Variants in AGBL3 observed in about 807,000 individuals in gnomAD.
AGBL3 encodes the protein AGBL carboxypeptidase 3.
Under a neutral mutation model 94.5 loss-of-function variants are expected in AGBL3, and 68 were observed. The ratio of observed to expected loss-of-function variants is 0.72; its 90% CI spans 0.59 to 0.88. The LOEUF is 0.88. Ranked by LOEUF, AGBL3 falls within the 40% of genes least tolerant of loss-of-function variation. AGBL3 has a pLI of 0.00. For missense variants in AGBL3, 934 were observed against 1,103.8 expected (o/e 0.85, Z 2.18); for synonymous variants, 354 against 370.7 (o/e 0.95, Z 0.52).
intron 4 of AGBL3, among the ~76,000 whole-genome samples, chr7:135,001,377 A>G (rs1444318904): frequency 6.6e-6 from 1 of 152,158 alleles, no homozygotes; most frequent in Admixed American, 6.5e-5. Context: ...GGATCAGACT[A>G]AAGGACCCTG....
intron 16 of AGBL3, among the ~76,000 whole-genome samples, chr7:135,133,011 AT>A (rs1828993668): frequency 6.6e-6 from 1 of 152,116 alleles, no homozygotes; most frequent in Non-Finnish European, 1.5e-5. Context: ...GAAAGATGTT[AT>A]TCTCTATGTA....
At chr7:135,120,622 C>A (rs182928636) in intron 16 of AGBL3, among the ~76,000 whole-genome samples, 77 of 152,152 alleles carry the variant, frequency 5.1e-4, no homozygotes, top group African/African-American at 1.8e-3. Flanking sequence ...ATGTAAATGA[C>A]CTAAATACAA....
At chr7:135,113,399 A>C (rs1479323550) in intron 15 of AGBL3, among the ~76,000 whole-genome samples, 2 of 152,170 alleles carry the variant, frequency 1.3e-5, no homozygotes, top group Non-Finnish European at 2.9e-5. Flanking sequence ...TTTTCCTAGA[A>C]TATTTTAAAA....
chr7:134,987,882 T>C lies in AGBL3; in HGVS notation c.-52T>C, dbSNP rs546526486. On this transcript the variant is annotated 5_prime_UTR_variant, in exon 2 of 17. Transcript: ENST00000436302. ...GTCATATAATTTCCTTAGAAATTGT[T>C]TTACAGCCTACCCGTATATTACAAG... The C allele has an allele frequency of 7.3e-7, 1 of 1,368,348 alleles. No homozygotes were observed. Among genetic ancestry groups the C allele is most frequent in the Non-Finnish European group, 1.0e-6 (1 of 993,922 alleles). 84.8% of individuals were successfully genotyped at this position (1,368,348 alleles called of 1,614,324 possible). A position where few individuals can be genotyped will look rare whatever the true frequency, so the allele number is the denominator to read the frequency against.
intron 16 of AGBL3, among the ~76,000 whole-genome samples, chr7:135,134,305 G>A (rs942976651): frequency 6.6e-6 from 1 of 152,042 alleles, no homozygotes; most frequent in African/African-American, 2.4e-5. Context: ...AAGTATAGCT[G>A]AAATTCTATG....
intron 12 of AGBL3, among the ~76,000 whole-genome samples, chr7:135,066,141 T>G (rs184988807): frequency 1.3e-5 from 2 of 152,082 alleles, no homozygotes; most frequent in Non-Finnish European, 2.9e-5. Context: ...TATAACAAAC[T>G]AAAAAGCTTC....
intron 3 of AGBL3, among the ~76,000 whole-genome samples, chr7:134,991,440 T>C (rs1810261199): frequency 6.6e-6 from 1 of 152,152 alleles, no homozygotes; most frequent in Non-Finnish European, 1.5e-5. Context: ...TTTTTGTTTG[T>C]TTTCTTGTAT....
At chr7:135,134,360 C>T (rs1401425277) in intron 16 of AGBL3, among the ~76,000 whole-genome samples, 1 of 151,874 alleles carries the variant, frequency 6.6e-6, no homozygotes, top group Non-Finnish European at 1.5e-5. Context: ...TAAGTGGCTG[C>T]AATTATTAGT....
At chr7:135,131,046 T>G (rs1355871782) in intron 16 of AGBL3, among the ~76,000 whole-genome samples, 1 of 152,034 alleles carries the variant, frequency 6.6e-6, no homozygotes, top group African/African-American at 2.4e-5. Context: ...GTGTCCAGAG[T>G]GAGCAAGGAC....
At chr7:135,056,516 T>A (rs1389142466) in intron 11 of AGBL3, among the ~76,000 whole-genome samples, 1 of 152,030 alleles carries the variant, frequency 6.6e-6, no homozygotes, top group Non-Finnish European at 1.5e-5. Flanking sequence ...TATCAAAGAA[T>A]TTTTTAAAAA....
intron 16 of AGBL3, 33 bp from the exon 17 acceptor site, chr7:135,134,808 G>A: frequency 6.5e-7 from 1 of 1,536,390 alleles, no homozygotes; most frequent in Non-Finnish European, 8.8e-7. Flanking sequence ...GTCCATGATG[G>A]ACAAAAATTC....
rs1829284896 is a variant in AGBL3, at chr7:135,135,137, C to A, written c.2639C>A (p.Ala880Asp). 2.6e-6 allele frequency: 4 copies of A among 1,551,008 alleles called. No homozygotes were observed. The highest frequency in any genetic ancestry group is 1.4e-5 in the African/African-American group (1 of 72,980). Residue 880 changes from alanine to aspartate, a missense_variant, in exon 17 of 17, where the codon GCT becomes GAT. Transcript: ENST00000436302. ...GTTCTAAAATATAAGAGTCTTCAAG[C>A]TGAAGAAACTAACCAGCAAAGCTCT... ...ANVLKYKSLQ[A>D]EETNQQSSKH...
chr7:135,033,942 A>T (rs1177957297), intron 6 of AGBL3, among the ~76,000 whole-genome samples: 2 of 152,254 alleles, frequency 1.3e-5, no homozygotes, highest in Admixed American at 6.5e-5. Flanking sequence ...CAAAGGATTT[A>T]GAATTAGCAT....
At chr7:135,033,476 A>T (rs964357272) in intron 6 of AGBL3, among the ~76,000 whole-genome samples, 10 of 152,216 alleles carry the variant, frequency 6.6e-5, no homozygotes, top group African/African-American at 2.4e-4. Context: ...CTGTACACAT[A>T]CACATTACAT....
chr7:135,012,310 C>T (rs894369816), intron 4 of AGBL3: 4 of 151,996 alleles, frequency 2.6e-5, no homozygotes, highest in African/African-American at 9.7e-5. Flanking sequence ...GAAATGACTG[C>T]ATTATATTAA....
At chr7:134,997,294 C>T (rs1234410113) in intron 4 of AGBL3, among the ~76,000 whole-genome samples, 1 of 152,126 alleles carries the variant, frequency 6.6e-6, no homozygotes, top group African/African-American at 2.4e-5. Context: ...TGCTGTGTGG[C>T]CTGGTTCCTC....
chr7:135,058,418 A>G (rs530630972), intron 11 of AGBL3, among the ~76,000 whole-genome samples: 37 of 152,268 alleles, frequency 2.4e-4, no homozygotes, highest in Non-Finnish European at 5.0e-4. Context: ...TTGAGGTACT[A>G]TGTTTCATAT....
intron 4 of AGBL3, among the ~76,000 whole-genome samples, chr7:135,002,663 A>G (rs192789899): frequency 1.3e-5 from 2 of 152,308 alleles, no homozygotes; most frequent in Admixed American, 6.5e-5. Flanking sequence ...CAAGGTCCAA[A>G]TCTTTCTTTG....
At chr7:135,053,849 A>G (rs1442236220) in intron 11 of AGBL3, among the ~76,000 whole-genome samples, 2 of 152,204 alleles carry the variant, frequency 1.3e-5, no homozygotes, top group Admixed American at 1.3e-4. Flanking sequence ...CTGCCAGTCA[A>G]TGTCTTCGAT....
Sources: gnomAD v4.1 joint callset for allele counts (sites outside exome capture counted in the v4.1 genomes callset) on GRCh38, gnomAD v4.1.1 for gene constraint, MANE v1.5 for transcripts, NCBI Gene and HGNC (gene_info 2026-07-23, HGNC 2026-07-21) for gene names.